Variants in FARP2 observed in about 807,000 individuals in gnomAD.
The protein encoded by FARP2 is FERM, ARHGEF and pleckstrin domain-containing protein 2.
A neutral mutation model predicts 130.5 loss-of-function variants in FARP2; 111 were observed. The observed-to-expected ratio is 0.85, with a 90% CI of 0.73 to 1.00. The LOEUF (loss-of-function observed/expected upper bound fraction) is 1.00. FARP2 is among the 50% of genes least tolerant of loss of function. The probability of loss-of-function intolerance (pLI) is 0.00; values close to 1 mark genes in which losing one functional copy is unlikely to be tolerated. For synonymous variants in FARP2, 504 were observed against 516.9 expected, an observed-to-expected ratio of 0.98 and a Z score of 0.34; for missense variants, 1,385 against 1,346.3, an observed-to-expected ratio of 1.03 and a Z score of -0.45.
intron 1 of FARP2, among the ~76,000 whole-genome samples, chr2:241,358,541 C>T (rs775993380): frequency 3.9e-5 from 6 of 152,222 alleles, no homozygotes; most frequent in Non-Finnish European, 7.3e-5. Flanking sequence ...CTTCTATATT[C>T]GGACAGTAAC....
At chr2:241,473,891 G>T (rs1322236626) in intron 18 of FARP2, among the ~76,000 whole-genome samples, 1 of 152,178 alleles carries the variant, frequency 6.6e-6, no homozygotes, top group Non-Finnish European at 1.5e-5. Flanking sequence ...AGGTATCATT[G>T]ACAGAAAGTG....
At chr2:241,408,727 A>G (rs781324738) in intron 5 of FARP2, among the ~76,000 whole-genome samples, 3 of 152,216 alleles carry the variant, frequency 2.0e-5, no homozygotes, top group Non-Finnish European at 2.9e-5. Flanking sequence ...TTGTAGTGGT[A>G]TCAATAACTT....
At position 241,475,983 on chromosome 2, in the gene FARP2, G is replaced by A; in HGVS notation, c.2258G>A (p.Gly753Asp). 2 of 1,611,682 alleles carry A rather than the reference G, an allele frequency of 1.2e-6. No homozygotes were observed. Among genetic ancestry groups the A allele is most frequent in the Non-Finnish European group, 1.7e-6 (2 of 1,179,090 alleles). ...GGCATAGAGAACCTCATTGCTCCTG[G>A]CAGGGTGAGTGACCTTGCTCTGGGA... The part of the protein sequence containing the change: ...LVGIENLIAP[G>D]REFIREGCLH... The change falls in exon 19 of 27, where the codon GGC becomes GAC. Residue 753 changes from glycine to aspartate, a missense_variant. Gly to Asp is a moderately conservative substitution (Grantham distance 94). Coordinates refer to ENST00000264042, the MANE Select transcript of FARP2 (RefSeq NM_014808.4). The surrounding 1 kb of genome is among the most constrained non-coding windows in gnomAD (Gnocchi z 4.4).
At position 241,418,128 on chromosome 2, in the gene FARP2, G is replaced by A. The variant is rs1055243911; in HGVS notation, c.771+19G>A. The A allele has an allele frequency of 1.9e-6, 3 of 1,614,020 alleles. No individual in the cohort carries two copies. The highest frequency in any genetic ancestry group is 2.7e-5 in the African/African-American group (2 of 74,932). ...GTTCCAGGTAGGCCAGTGGGGAAGG[G>A]AGGGGTGAGAACAGGGCAGGGGAGG... On this transcript the variant is annotated intron_variant, in intron 8 of 26. Coordinates refer to ENST00000264042, the MANE Select transcript of FARP2 (RefSeq NM_014808.4).
chr2:241,366,439 T>C (rs1345342702), intron 1 of FARP2, among the ~76,000 whole-genome samples: 3 of 151,908 alleles, frequency 2.0e-5, no homozygotes, highest in Admixed American at 6.6e-5. Flanking sequence ...AAGGAAATAA[T>C]ACATCCGTTT....
At chr2:241,471,959 G>GT (rs2064328680) in intron 18 of FARP2, among the ~76,000 whole-genome samples, 2 of 62,262 alleles carry the variant, frequency 3.2e-5, no homozygotes, top group Non-Finnish European at 7.2e-5. Flanking sequence ...TGTTCTGAAG[G>GT]AATCCTGTTG....
intron 7 of FARP2, among the ~76,000 whole-genome samples, chr2:241,414,774 G>T (rs868230320): frequency 6.6e-6 from 1 of 152,216 alleles, no homozygotes; most frequent in African/African-American, 2.4e-5. Flanking sequence ...TAGCTCATAC[G>T]CTGTGAGCTG....
rs871375 is a variant in FARP2, at chr2:241,482,451, G to A, written c.2263-1014G>A. Among the ~76,000 whole-genome samples the A allele has an allele frequency of 0.67, 101,593 of 152,052 alleles. 34,383 individuals carry two copies. The highest frequency in any genetic ancestry group is 0.92 in the East Asian group (4,739 of 5,174). On this transcript the variant is annotated intron_variant, in intron 19 of 26. Transcript: ENST00000264042. This position sits in a 1 kb window ranked among gnomAD's most constrained non-coding sequence, Gnocchi z 4.6. ...ATTGCCAGCAGCTCACAGGGACCTC[G>A]GCGTGCGGTCTCCAGGGCTCCCTGT...
In FARP2 at chr2:241,403,980, G is replaced by A. The variant is rs377653606; in HGVS notation, c.288+48G>A. On this transcript the variant is annotated intron_variant, in intron 3 of 26. Transcript: ENST00000264042. ...GGCGTGGAGCCTTTGGGCCTGCTGT[G>A]ATGACAGCCGCAAGATCTTTCATCA... is the stretch of plus-strand genomic sequence containing the variant. 3 of 960,508 alleles carry A rather than the reference G, an allele frequency of 3.1e-6. No individual in the cohort carries two copies. The African/African-American group carries it at 4.9e-5, about 16-fold the overall frequency. The allele number at this position is 960,508 out of a possible 1,614,324, so 59.5% of individuals were successfully genotyped here.
intron 2 of FARP2, among the ~76,000 whole-genome samples, chr2:241,380,275 C>T (rs2061630420): frequency 6.6e-6 from 1 of 152,158 alleles, no homozygotes; most frequent in South Asian, 2.1e-4. Context: ...TTGTTGAGCA[C>T]CTGAGAGTTC....
intron 5 of FARP2, among the ~76,000 whole-genome samples, chr2:241,409,054 A>AGATAGATG (rs1553715978): frequency 6.6e-6 from 1 of 151,938 alleles, no homozygotes; most frequent in African/African-American, 2.4e-5. Context: ...ATAGATAGAT[A>AGATAGATG]GATAGATAGA....
Position 241,475,561 on chromosome 2 carries a change from G to C in FARP2, c.2132-296G>C, listed in dbSNP as rs996464229. Reference sequence around the variant, plus strand: ...AAACCCTATTGTGAACTGCACATGTGGGGGATCTAGTTTGTATGCTCCTTG... The same window carrying C: ...AAACCCTATTGTGAACTGCACATGTCGGGGATCTAGTTTGTATGCTCCTTG... On this transcript the variant is annotated intron_variant, in intron 18 of 26. Coordinates refer to ENST00000264042, the MANE Select transcript of FARP2 (RefSeq NM_014808.4). This position sits in a 1 kb window ranked among gnomAD's most constrained non-coding sequence, Gnocchi z 4.4. Among the ~76,000 whole-genome samples, 8 of 152,300 alleles carry C rather than the reference G, an allele frequency of 5.3e-5. No individual in the cohort carries two copies. The highest frequency in any genetic ancestry group is 4.1e-4 in the South Asian group (2 of 4,824).
chr2:241,407,352 A>G (rs1277867021), intron 4 of FARP2, among the ~76,000 whole-genome samples, 185 bp from the exon 5 acceptor site: 1 of 152,152 alleles, frequency 6.6e-6, no homozygotes, highest in Non-Finnish European at 1.5e-5. Context: ...TCAGCCTCCC[A>G]AAGGGGTGGG....
chr2:241,455,878 T>A (rs1018224146), intron 13 of FARP2, among the ~76,000 whole-genome samples: 1 of 151,588 alleles, frequency 6.6e-6, no homozygotes, highest in Non-Finnish European at 1.5e-5. Context: ...TAGCTGGGAC[T>A]ACAAGCACCT....
chr2:241,467,728 A>G (rs980907901), intron 17 of FARP2, among the ~76,000 whole-genome samples: 3 of 151,838 alleles, frequency 2.0e-5, no homozygotes, highest in Non-Finnish European at 4.4e-5. Flanking sequence ...TCTTGAGAGA[A>G]GTTTCTGGAG....
chr2:241,447,572 T>C (rs2063540803), intron 13 of FARP2, among the ~76,000 whole-genome samples: 1 of 152,084 alleles, frequency 6.6e-6, no homozygotes, highest in Non-Finnish European at 1.5e-5. Flanking sequence ...AATGAGGTTA[T>C]TATTGCCTGT....
In FARP2 at chr2:241,468,244, G is replaced by A. The variant is rs202035507; in HGVS notation, c.1998G>A (p.Leu666=). The change falls in exon 18 of 27, where the codon CTG becomes CTA. Residue 666 remains leucine, a synonymous_variant. Transcript: ENST00000264042. The part of the protein sequence containing the change: ...KLEAVYKEFE[L]QKVCYLPLNT... ...AGGCAGTGTACAAGGAGTTTGAGCT[G>A]CAGAAGGTCTGCTACTTGCCTCTCA... 32 of 1,614,064 alleles carry A rather than the reference G, an allele frequency of 2.0e-5. No individual in the cohort carries two copies. The East Asian group carries it at 4.9e-4, about 25-fold the overall frequency.
At position 241,494,280 on chromosome 2, in the gene FARP2, G is replaced by C. The variant is rs776210488; in HGVS notation, c.*155G>C. On this transcript the variant is annotated 3_prime_UTR_variant, in exon 27 of 27. Transcript: ENST00000264042. The surrounding 1 kb of genome is among the most constrained non-coding windows in gnomAD (Gnocchi z 4.9). ...GTGGGTGGGCCTCATGTAACATCTG[G>C]GAGGGGCTTCATCCCCCCACCCAGG... is the stretch of plus-strand genomic sequence containing the variant. The C allele has an allele frequency of 7.4e-5, 32 of 432,326 alleles. No individual in the cohort carries two copies. Among genetic ancestry groups the C allele is most frequent in the Non-Finnish European group, 1.3e-4 (31 of 241,054 alleles). The allele number at this position is 432,326 out of a possible 1,614,324, so 26.8% of individuals were successfully genotyped here.
chr2:241,446,018 C>G (rs1319678437), intron 13 of FARP2: 1 of 152,198 alleles, frequency 6.6e-6, no homozygotes, highest in African/African-American at 2.4e-5. Flanking sequence ...ATTATATACT[C>G]TGCTTTAGGT....
Sources: gnomAD v4.1 joint callset for allele counts (sites outside exome capture counted in the v4.1 genomes callset) on GRCh38, gnomAD v4.1.1 for gene constraint, Gnocchi (gnomAD v3.1) non-coding constraint, MANE v1.5 for transcripts, NCBI Gene and HGNC (gene_info 2026-07-23, HGNC 2026-07-21) for gene names.